The following TMEM196 variants were observed in gnomAD, a reference collection of about 807,000 sequenced individuals.
TMEM196 encodes the protein transmembrane protein 196.
A neutral mutation model predicts 20.0 loss-of-function variants in TMEM196; 17 were observed. The ratio of observed to expected loss-of-function variants is 0.85; its 90% CI spans 0.58 to 1.27. TMEM196 has a LOEUF of 1.27. Ranked by LOEUF, TMEM196 falls within the 50% of genes most tolerant of loss-of-function variation. TMEM196 has a pLI of 0.00. For missense variants in TMEM196, 267 were observed against 223.0 expected, an observed-to-expected ratio of 1.20 and a Z score of -1.26; for synonymous variants, 113 against 88.9, an observed-to-expected ratio of 1.27 and a Z score of -1.52.
In TMEM196 at chr7:19,773,025, CT is replaced by C; in HGVS notation, c.-330del. On this transcript the variant is annotated 5_prime_UTR_variant, in exon 1 of 5. Transcript: ENST00000405844. ...TGGAGGAGCCCAGGGAGCTCCGAGCCTTGCTCCCCAGGCGCTGTCCAGAGTT... is the reference window on the plus strand; with the variant it reads ...TGGAGGAGCCCAGGGAGCTCCGAGCCTGCTCCCCAGGCGCTGTCCAGAGTT... 1 of 208,622 alleles carries C rather than the reference CT, an allele frequency of 4.8e-6. No homozygotes were observed. The highest frequency in any genetic ancestry group is 1.0e-4 in the East Asian group (1 of 9,750). 12.9% of individuals were successfully genotyped at this position (208,622 alleles called of 1,614,324 possible). A position where few individuals can be genotyped will look rare whatever the true frequency, so the allele number is the denominator to read the frequency against.
intron 1 of TMEM196, among the ~76,000 whole-genome samples, chr7:19,736,932 C>A (rs1784428233): frequency 6.6e-6 from 1 of 151,866 alleles, no homozygotes; most frequent in Non-Finnish European, 1.5e-5. Context: ...AAATTTTTTT[C>A]AAACTTTCTG....
chr7:19,770,977 AT>A (rs1785850705), intron 1 of TMEM196, among the ~76,000 whole-genome samples: 1 of 152,010 alleles, frequency 6.6e-6, no homozygotes, highest in Non-Finnish European at 1.5e-5. Context: ...GCTGTAGAGT[AT>A]TTAAGGCTTC....
At chr7:19,770,541 T>C (rs1344800061) in intron 1 of TMEM196, among the ~76,000 whole-genome samples, 1 of 152,220 alleles carries the variant, frequency 6.6e-6, no homozygotes, top group Non-Finnish European at 1.5e-5. Flanking sequence ...TTTATAAAAG[T>C]GAGCAACTGT....
At chr7:19,724,132 A>G in intron 4 of TMEM196, 148 bp downstream of exon 4, 3 of 726,206 alleles carry the variant, frequency 4.1e-6, no homozygotes, top group Non-Finnish European at 6.8e-6. Flanking sequence ...TCAGCTCTGC[A>G]AAGTAAGCGC....
intron 1 of TMEM196, among the ~76,000 whole-genome samples, chr7:19,761,582 G>C (rs966793757): frequency 2.0e-5 from 3 of 152,104 alleles, no homozygotes; most frequent in African/African-American, 7.2e-5. Flanking sequence ...AGCAGACCAG[G>C]TGAGATAAGA....
At chr7:19,754,074 A>G (rs1167583428) in intron 1 of TMEM196, among the ~76,000 whole-genome samples, 1 of 152,208 alleles carries the variant, frequency 6.6e-6, no homozygotes, top group Non-Finnish European at 1.5e-5. Context: ...ATAAGGAATG[A>G]CTACTCTGGA....
chr7:19,768,167 G>A (rs1443654866), intron 1 of TMEM196, among the ~76,000 whole-genome samples: 2 of 151,946 alleles, frequency 1.3e-5, no homozygotes. Flanking sequence ...AATAAAACCT[G>A]TAAACATTAA....
At chr7:19,727,344 C>T (rs1368318457) in intron 2 of TMEM196, among the ~76,000 whole-genome samples, 5 of 152,220 alleles carry the variant, frequency 3.3e-5, no homozygotes, top group Non-Finnish European at 1.5e-5. Context: ...TTGGAGAAGG[C>T]TTTCTTGAGA....
intron 1 of TMEM196, among the ~76,000 whole-genome samples, chr7:19,742,518 C>G (rs1030275475): frequency 2.6e-5 from 4 of 152,110 alleles, no homozygotes; most frequent in Non-Finnish European, 5.9e-5. Context: ...AGTAAAGAGA[C>G]ATCGCTCCAT....
At chr7:19,750,817 A>T (rs1210933428) in intron 1 of TMEM196, among the ~76,000 whole-genome samples, 1 of 152,218 alleles carries the variant, frequency 6.6e-6, no homozygotes. Context: ...AGAATATCTG[A>T]AAAAGAACAA....
intron 1 of TMEM196, among the ~76,000 whole-genome samples, chr7:19,748,668 GA>G (rs1784851392): frequency 6.6e-6 from 1 of 152,108 alleles, no homozygotes; most frequent in African/African-American, 2.4e-5. Flanking sequence ...TAAGAATGCT[GA>G]ACTCTCCAAC....
chr7:19,753,775 C>G (rs531634318), intron 1 of TMEM196, among the ~76,000 whole-genome samples: 1 of 152,320 alleles, frequency 6.6e-6, no homozygotes, highest in African/African-American at 2.4e-5. Context: ...ACCAAGCCTA[C>G]CTCTTCAAGC....
At chr7:19,729,256 GTT>G (rs11401553) in intron 2 of TMEM196, 124 bp downstream of exon 2, 1,185 of 431,954 alleles carry the variant, frequency 2.7e-3, no homozygotes, top group Middle Eastern at 4.3e-3. Context: ...TTATTTGTCA[GTT>G]TTTTTTTTTT....
chr7:19,762,977 T>C (rs958589810), intron 1 of TMEM196, among the ~76,000 whole-genome samples: 1 of 152,232 alleles, frequency 6.6e-6, no homozygotes, highest in Non-Finnish European at 1.5e-5. Context: ...CAAGTCAGGG[T>C]AATAGCAGCC....
chr7:19,723,840 A>C (rs1261734694), intron 4 of TMEM196, among the ~76,000 whole-genome samples: 20 of 152,226 alleles, frequency 1.3e-4, no homozygotes, highest in Admixed American at 1.3e-3. Context: ...GAATCTTTTC[A>C]TACCAAAATT....
At chr7:19,729,177 C>T (rs1784104843) in intron 2 of TMEM196, among the ~76,000 whole-genome samples, 2 of 151,586 alleles carry the variant, frequency 1.3e-5, no homozygotes, top group African/African-American at 4.8e-5. Flanking sequence ...AGTTTTTTTA[C>T]ATCGGTGGGC....
At chr7:19,740,698 G>A (rs561521987) in intron 1 of TMEM196, among the ~76,000 whole-genome samples, 28 of 151,912 alleles carry the variant, frequency 1.8e-4, no homozygotes, top group East Asian at 5.8e-4. Context: ...CTCTGCTAGC[G>A]TTTTTTCAAC....
At chr7:19,729,293 T>C in intron 2 of TMEM196, 89 bp downstream of exon 2, 1 of 1,062,996 alleles carries the variant, frequency 9.4e-7, no homozygotes, top group Non-Finnish European at 1.3e-6. Context: ...CAATATTCAG[T>C]ATATGAAAGC....
chr7:19,770,099 C>T (rs944412755), intron 1 of TMEM196, among the ~76,000 whole-genome samples: 3 of 152,194 alleles, frequency 2.0e-5, no homozygotes, highest in African/African-American at 7.2e-5. Flanking sequence ...TACATTGATT[C>T]TAAGTCCTGA....
Sources: gnomAD v4.1 joint callset for allele counts (sites outside exome capture counted in the v4.1 genomes callset) on GRCh38, gnomAD v4.1.1 for gene constraint, MANE v1.5 for transcripts, NCBI Gene and HGNC (gene_info 2026-07-23, HGNC 2026-07-21) for gene names.